PIWIL1: variants seen among roughly 807,000 people sequenced by gnomAD.
PIWIL1 encodes the protein piwi-like protein 1.
In PIWIL1, 73 loss-of-function variants were observed where a neutral mutation model predicts 114.4. That is an observed-to-expected ratio of 0.64 (90% CI 0.53 to 0.78). The LOEUF is 0.78. Ranked by LOEUF, PIWIL1 falls within the 30% of genes least tolerant of loss-of-function variation. The probability of loss-of-function intolerance (pLI) is 0.00; values close to 1 mark genes in which losing one functional copy is unlikely to be tolerated. For missense variants in PIWIL1, 723 were observed against 1,063.1 expected (o/e 0.68, Z 4.45); for synonymous variants, 375 against 369.0 (o/e 1.02, Z -0.19).
chr12:130,376,469 A>G (rs1390161079), downstream of PIWIL1, among the ~76,000 whole-genome samples: 1 of 152,182 alleles, frequency 6.6e-6, no homozygotes, highest in African/African-American at 2.4e-5. Context: ...GGAGTCTGAG[A>G]TTTCCAGGGG....
Position 130,343,077 on chromosome 12 carries a change from G to A in PIWIL1, c.166G>A (p.Ala56Thr). 4.3e-6 allele frequency: 7 copies of A among 1,613,636 alleles called. No homozygotes were observed. Among genetic ancestry groups the A allele is most frequent in the Non-Finnish European group, 5.9e-6 (7 of 1,179,650 alleles). The change falls in exon 3 of 21, where the codon GCA becomes ACA. Residue 56 changes from alanine to threonine, a missense_variant. Ala to Thr is a moderately conservative substitution (Grantham distance 58). This residue lies in a region of PIWIL1 where 91 missense variants were observed against 76.2 expected (regional missense o/e 1.19). Coordinates refer to ENST00000245255, the MANE Select transcript of PIWIL1 (RefSeq NM_004764.5). ...TGGCCGTGGACGGCAGAGAGGAACA[G>A]CAGGAGGAACAGCCAAGTCACAAGG... ...LFGRGRQRGT[A>T]GGTAKSQGLQ... is the part of the protein sequence containing the mutation.
In PIWIL1 at chr12:130,345,609, T is replaced by C. The variant is rs1807602091; in HGVS notation, c.191-144T>C. Reference sequence around the variant, plus strand: ...TTCTCTCGTTAGGCTGGCAGATACCTAAAACATGTTGATAGGATTGTTTTA... The same window carrying C: ...TTCTCTCGTTAGGCTGGCAGATACCCAAAACATGTTGATAGGATTGTTTTA... On this transcript the variant is annotated intron_variant, in intron 3 of 20. Coordinates refer to ENST00000245255, the MANE Select transcript of PIWIL1 (RefSeq NM_004764.5). 12 of 821,296 alleles carry C rather than the reference T, an allele frequency of 1.5e-5. No individual in the cohort carries two copies. The South Asian group carries it at 1.9e-4, about 13-fold the overall frequency. 50.9% of individuals were successfully genotyped at this position (821,296 alleles called of 1,614,324 possible). A position where few individuals can be genotyped will look rare whatever the true frequency, so the allele number is the denominator to read the frequency against.
intron 9 of PIWIL1, among the ~76,000 whole-genome samples, chr12:130,353,230 GGTGTGTGGTTTTTTGTTCTCCTGGT>G: frequency 1.3e-5 from 2 of 151,702 alleles, no homozygotes; most frequent in Admixed American, 6.6e-5. Flanking sequence ...GCTCAGTGGA[GGTGTGTGGTTTTTTGTTCTCCTGGT>G]ATGCTCAGTG....
downstream of PIWIL1, among the ~76,000 whole-genome samples, chr12:130,375,794 C>T (rs1041677414): frequency 2.0e-5 from 3 of 152,114 alleles, no homozygotes; most frequent in Non-Finnish European, 4.4e-5. Context: ...GACTTCTTTC[C>T]TCCCCATCCT....
the PIWIL1 span, among the ~76,000 whole-genome samples, chr12:130,423,524 C>G: frequency 1.3e-5 from 2 of 152,136 alleles, no homozygotes; most frequent in African/African-American, 4.8e-5. Flanking sequence ...CAATGAATCC[C>G]TATGCTCAAA....
At chr12:130,422,069 G>T in the PIWIL1 span, among the ~76,000 whole-genome samples, 1 of 152,150 alleles carries the variant, frequency 6.6e-6, no homozygotes, top group Non-Finnish European at 1.5e-5. This position sits in a 1 kb window ranked among gnomAD's most constrained non-coding sequence, Gnocchi z 5.2. Flanking sequence ...ATTCCCTCGG[G>T]TGGGGCTCAC....
chr12:130,403,792 A>G, the PIWIL1 span, among the ~76,000 whole-genome samples: 1 of 152,256 alleles, frequency 6.6e-6, no homozygotes, highest in African/African-American at 2.4e-5. Context: ...TTTCTGGAAT[A>G]TAATTTCTGA....
At chr12:130,359,078 C>A (rs911945528) in intron 14 of PIWIL1, among the ~76,000 whole-genome samples, 4 of 152,182 alleles carry the variant, frequency 2.6e-5, no homozygotes, top group African/African-American at 9.7e-5. Context: ...AACACTCCTC[C>A]CACCCCTGAA....
At chr12:130,409,273 C>A in the PIWIL1 span, among the ~76,000 whole-genome samples, 1 of 150,580 alleles carries the variant, frequency 6.6e-6, no homozygotes, top group African/African-American at 2.4e-5. Context: ...GATCTGTTTC[C>A]TGTCCCAGAC....
chr12:130,349,120 TGATTCATTCAGAA>T, intron 7 of PIWIL1, 106 bp from the exon 8 acceptor site: 2 of 624,362 alleles, frequency 3.2e-6, no homozygotes. Flanking sequence ...ATAAGGAAAT[TGATTCATTCAGAA>T]ACTTTATAGT....
At chr12:130,401,044 G>C in the PIWIL1 span, among the ~76,000 whole-genome samples, 1 of 152,210 alleles carries the variant, frequency 6.6e-6, no homozygotes, top group Non-Finnish European at 1.5e-5. Flanking sequence ...TCTGTAGACG[G>C]ATGGTGGTGA....
intron 1 of PIWIL1, among the ~76,000 whole-genome samples, chr12:130,341,813 G>C (rs2072924372): frequency 6.6e-6 from 1 of 152,234 alleles, no homozygotes; most frequent in Admixed American, 6.5e-5. Flanking sequence ...ATGAGGGTGA[G>C]AGATTGTTAC....
intron 9 of PIWIL1, among the ~76,000 whole-genome samples, chr12:130,352,610 A>C (rs543808130): frequency 6.6e-6 from 1 of 152,274 alleles, no homozygotes; most frequent in South Asian, 2.1e-4. Context: ...AACTCGGGAG[A>C]CGGAGGTTGC....
At chr12:130,379,458 A>C in the PIWIL1 span, among the ~76,000 whole-genome samples, 9 of 123,250 alleles carry the variant, frequency 7.3e-5, no homozygotes, top group African/African-American at 2.5e-4. Flanking sequence ...CCAAGCATTG[A>C]CAGTTCCTTC....
intron 3 of PIWIL1, among the ~76,000 whole-genome samples, chr12:130,344,704 A>C (rs1440628527): frequency 6.6e-6 from 1 of 152,196 alleles, no homozygotes; most frequent in Non-Finnish European, 1.5e-5. Context: ...TGTTTGGTTC[A>C]GAACTTCTGT....
chr12:130,388,296 C>A, the PIWIL1 span, among the ~76,000 whole-genome samples: 2 of 152,012 alleles, frequency 1.3e-5, no homozygotes, highest in Admixed American at 1.3e-4. Context: ...TTCCACTGAT[C>A]TTCCATTTAA....
intron 10 of PIWIL1, 93 bp downstream of exon 10, chr12:130,354,756 TC>T (rs1158925288): frequency 2.0e-6 from 3 of 1,480,142 alleles, no homozygotes; most frequent in South Asian, 1.3e-5. Context: ...TCCCCTTCCC[TC>T]CCCCCAGAAA....
the PIWIL1 span, among the ~76,000 whole-genome samples, chr12:130,422,083 C>A: frequency 6.6e-6 from 1 of 152,136 alleles, no homozygotes; most frequent in Non-Finnish European, 1.5e-5. This position sits in a 1 kb window ranked among gnomAD's most constrained non-coding sequence, Gnocchi z 5.2. Flanking sequence ...GGCTCACAGA[C>A]CCCTGAGGCA....
intron 5 of PIWIL1, 99 bp from the exon 6 acceptor site, chr12:130,346,842 A>G (rs2073082790): frequency 4.2e-6 from 6 of 1,444,342 alleles, no homozygotes; most frequent in South Asian, 1.4e-5. Flanking sequence ...AAAACATTTT[A>G]TGGTTTTCAA....
Sources: allele counts gnomAD v4.1 joint callset (sites outside exome capture counted in the v4.1 genomes callset), GRCh38; gene constraint gnomAD v4.1.1; regional missense constraint gnomAD v4.1.1; non-coding constraint Gnocchi (gnomAD v3.1); transcripts MANE v1.5; gene names NCBI Gene and HGNC (gene_info 2026-07-23, HGNC 2026-07-21).